Variants in PTPRD observed in about 807,000 individuals in gnomAD.
The protein encoded by PTPRD is receptor-type tyrosine-protein phosphatase delta.
Under a neutral mutation model 214.5 loss-of-function variants are expected in PTPRD, and 34 were observed. That is an observed-to-expected ratio of 0.16 (90% CI 0.12 to 0.21). PTPRD has a LOEUF of 0.21. Ranked by LOEUF, PTPRD falls within the 10% of genes least tolerant of loss-of-function variation. PTPRD has a pLI of 1.00. For missense variants in PTPRD, 2,545 were observed against 2,398.7 expected, an observed-to-expected ratio of 1.06 and a Z score of -1.27; for synonymous variants, 1,128 against 845.7, an observed-to-expected ratio of 1.33 and a Z score of -5.79.
intron 2 of PTPRD, among the ~76,000 whole-genome samples, chr9:10,537,111 T>A (rs143722441): frequency 6.6e-6 from 1 of 152,152 alleles, no homozygotes; most frequent in Admixed American, 6.6e-5. Flanking sequence ...CTAAAAACTA[T>A]AGGACTATTG....
At chr9:8,722,123 CTG>C (rs34720946) in intron 12 of PTPRD, among the ~76,000 whole-genome samples, 6,566 of 147,400 alleles carry the variant, frequency 0.045, 154 homozygotes, top group South Asian at 0.082. Flanking sequence ...AAGTATTACT[CTG>C]TGTGTGTGTG....
chr9:8,329,422 C>T (rs886374729), intron 44 of PTPRD, among the ~76,000 whole-genome samples: 2 of 152,066 alleles, frequency 1.3e-5, no homozygotes, highest in Non-Finnish European at 2.9e-5. Flanking sequence ...AGATGCCAGC[C>T]AGTGTTCTCC....
chr9:8,418,576 T>C (rs2094124338), intron 35 of PTPRD, among the ~76,000 whole-genome samples: 1 of 152,104 alleles, frequency 6.6e-6, no homozygotes, highest in South Asian at 2.1e-4. Context: ...ACATTTTTTT[T>C]TTTTTGTAAT....
intron 2 of PTPRD, among the ~76,000 whole-genome samples, chr9:10,519,093 G>A (rs542914569): frequency 8.6e-5 from 13 of 151,346 alleles, no homozygotes; most frequent in Non-Finnish European, 1.8e-4. Context: ...ATTGTCAGAC[G>A]AGAAACTTGA....
At chr9:10,012,412 A>G (rs960178268) in intron 4 of PTPRD, among the ~76,000 whole-genome samples, 2 of 151,934 alleles carry the variant, frequency 1.3e-5, no homozygotes, top group Admixed American at 1.3e-4. Context: ...TCACAGTTGC[A>G]ACTTTTCACT....
intron 11 of PTPRD, among the ~76,000 whole-genome samples, chr9:8,735,147 T>G (rs1479951130): frequency 1.4e-5 from 2 of 138,502 alleles, no homozygotes; most frequent in African/African-American, 2.6e-5. Context: ...TGTTTTTTTT[T>G]TTCTGTTTTT....
intron 3 of PTPRD, among the ~76,000 whole-genome samples, chr9:10,059,898 G>T (rs1212892277): frequency 6.6e-6 from 1 of 151,830 alleles, no homozygotes; most frequent in Non-Finnish European, 1.5e-5. Context: ...AATGACAATG[G>T]CAAAAATGTT....
chr9:8,889,821 T>C (rs937539690), intron 11 of PTPRD, among the ~76,000 whole-genome samples: 2 of 152,228 alleles, frequency 1.3e-5, no homozygotes, highest in Non-Finnish European at 2.9e-5. Flanking sequence ...TAGTATTCCA[T>C]GGTGTATATA....
Position 8,599,774 on chromosome 9 carries a change from C to T in PTPRD, c.352+33543G>A, listed in dbSNP as rs545313048. On this transcript the variant is annotated intron_variant, in intron 14 of 45. Coordinates refer to ENST00000381196, the MANE Select transcript of PTPRD (RefSeq NM_002839.4). Reference sequence around the variant, plus strand: ...CTGGGATTACAGGCGTGCGCCACCACGCCTGGATAATTTTGTACTTTTAGT... The same window carrying T: ...CTGGGATTACAGGCGTGCGCCACCATGCCTGGATAATTTTGTACTTTTAGT... Among the ~76,000 whole-genome samples the T allele has an allele frequency of 5.3e-5, 8 of 151,998 alleles. No homozygotes were observed. The East Asian group carries it at 7.8e-4, about 15-fold the overall frequency.
intron 3 of PTPRD, among the ~76,000 whole-genome samples, chr9:10,339,279 T>C (rs746191824): frequency 1.3e-5 from 2 of 151,814 alleles, no homozygotes; most frequent in African/African-American, 2.4e-5. Context: ...AAATCAGTCT[T>C]AATTTGCATA....
intron 2 of PTPRD, among the ~76,000 whole-genome samples, chr9:10,582,906 A>C (rs2072468282): frequency 6.6e-6 from 1 of 152,210 alleles, no homozygotes. Flanking sequence ...TTAGGCTAAC[A>C]TGTAAGGGAG....
At chr9:8,568,489 C>A (rs896225673) in intron 14 of PTPRD, among the ~76,000 whole-genome samples, 8 of 152,088 alleles carry the variant, frequency 5.3e-5, no homozygotes, top group African/African-American at 1.7e-4. Context: ...GACATCTGGG[C>A]TAAATGGATT....
intron 5 of PTPRD, among the ~76,000 whole-genome samples, chr9:9,830,752 C>G (rs968708464): frequency 1.3e-5 from 2 of 151,922 alleles, no homozygotes; most frequent in Non-Finnish European, 2.9e-5. Flanking sequence ...GATGTGGTAT[C>G]AACAGAGTAG....
chr9:9,655,046 A>T (rs1220458778), intron 7 of PTPRD, among the ~76,000 whole-genome samples: 1 of 152,006 alleles, frequency 6.6e-6, no homozygotes, highest in East Asian at 1.9e-4. Context: ...ACCTATCTGA[A>T]ATGTTTACTT....
At chr9:9,939,060 T>C (rs1467107819) in intron 4 of PTPRD, among the ~76,000 whole-genome samples, 2 of 151,992 alleles carry the variant, frequency 1.3e-5, no homozygotes, top group Non-Finnish European at 2.9e-5. Flanking sequence ...GGAAACAGAA[T>C]GTGATAATGC....
chr9:10,381,521 T>A (rs959462679), intron 2 of PTPRD, among the ~76,000 whole-genome samples: 2 of 152,010 alleles, frequency 1.3e-5, no homozygotes, highest in African/African-American at 4.8e-5. Flanking sequence ...CCTCCCAAAA[T>A]GATTCAGAGT....
chr9:8,998,383 C>G (rs1425447637), intron 11 of PTPRD, among the ~76,000 whole-genome samples: 2 of 151,938 alleles, frequency 1.3e-5, no homozygotes, highest in Non-Finnish European at 2.9e-5. Context: ...CTAAATCTAC[C>G]CTGCCTGTGT....
intron 11 of PTPRD, among the ~76,000 whole-genome samples, chr9:9,015,126 ACAATCAAT>A (rs140306729): frequency 0.024 from 3,727 of 152,248 alleles, 65 homozygotes; most frequent in Middle Eastern, 0.092. Flanking sequence ...AAAAAATTAA[ACAATCAAT>A]CAATCAATCA....
At chr9:10,473,428 C>T (rs968519024) in intron 2 of PTPRD, among the ~76,000 whole-genome samples, 1 of 152,028 alleles carries the variant, frequency 6.6e-6, no homozygotes, top group East Asian at 1.9e-4. Context: ...TATTAATTGA[C>T]AATAGTGAAC....
Sources: gnomAD v4.1 joint callset for allele counts (sites outside exome capture counted in the v4.1 genomes callset) on GRCh38, gnomAD v4.1.1 for gene constraint, MANE v1.5 for transcripts, NCBI Gene and HGNC (gene_info 2026-07-23, HGNC 2026-07-21) for gene names.